TENM4: variants seen among roughly 807,000 people sequenced by gnomAD.
TENM4 encodes teneurin-4.
A neutral mutation model predicts 243.3 loss-of-function variants in TENM4; 82 were observed. That is an observed-to-expected ratio of 0.34 (90% CI 0.28 to 0.40). TENM4 has a LOEUF of 0.40. TENM4 is among the 10% of genes least tolerant of loss of function. The probability of loss-of-function intolerance (pLI) is 1.00; values close to 1 mark genes in which losing one functional copy is unlikely to be tolerated. For synonymous variants in TENM4, 1,412 were observed against 1,456.3 expected (o/e 0.97, Z 0.69); for missense variants, 3,138 against 3,673.3 (o/e 0.85, Z 3.77).
intron 9 of TENM4, among the ~76,000 whole-genome samples, chr11:78,866,942 T>A (rs1199970883): frequency 6.6e-6 from 1 of 152,148 alleles, no homozygotes; most frequent in African/African-American, 2.4e-5. Context: ...AGTAATGTCA[T>A]CTTTTTAAAA....
At chr11:79,404,916 T>A (rs1858535971) in intron 1 of TENM4, among the ~76,000 whole-genome samples, 2 of 152,148 alleles carry the variant, frequency 1.3e-5, no homozygotes, top group Admixed American at 1.3e-4. Context: ...GAGGACCAGA[T>A]GAAGCTTGTC....
At chr11:79,014,494 A>G (rs1454765867) in intron 6 of TENM4, 1 of 152,196 alleles carries the variant, frequency 6.6e-6, no homozygotes, top group Non-Finnish European at 1.5e-5. Context: ...CATTCTAATC[A>G]ATTAAAATGG....
chr11:79,350,427 G>A (rs1018613138), intron 1 of TENM4, among the ~76,000 whole-genome samples: 1 of 138,786 alleles, frequency 7.2e-6, no homozygotes, highest in Non-Finnish European at 1.6e-5. Flanking sequence ...TCCTTTCTTG[G>A]CTTTTTTTTT....
At chr11:78,873,324 C>T (rs1344888600) in intron 9 of TENM4, among the ~76,000 whole-genome samples, 1 of 152,198 alleles carries the variant, frequency 6.6e-6, no homozygotes, top group Admixed American at 6.5e-5. Flanking sequence ...ATAATGTTAA[C>T]AGCCATAGTC....
At chr11:78,835,881 C>T (rs547219457) in intron 12 of TENM4, among the ~76,000 whole-genome samples, 33 of 152,308 alleles carry the variant, frequency 2.2e-4, no homozygotes, top group Admixed American at 1.6e-3. Context: ...GGGCAGAGTC[C>T]CTGTCTGCTT....
At chr11:78,929,940 AG>A (rs1021684602) in intron 6 of TENM4, among the ~76,000 whole-genome samples, 1 of 152,192 alleles carries the variant, frequency 6.6e-6, no homozygotes, top group Non-Finnish European at 1.5e-5. Context: ...TGTGGAGTGG[AG>A]GACAGAGGAC....
At chr11:78,719,105 AAAGTACTG>A (rs1859588638) in intron 25 of TENM4, among the ~76,000 whole-genome samples, 1 of 152,158 alleles carries the variant, frequency 6.6e-6, no homozygotes, top group South Asian at 2.1e-4. Flanking sequence ...CCTGTGCCTA[AAAGTACTG>A]AATAGTTTAC....
intron 6 of TENM4, among the ~76,000 whole-genome samples, chr11:79,004,004 A>AAC (rs1316318681): frequency 6.6e-6 from 1 of 152,036 alleles, no homozygotes; most frequent in Non-Finnish European, 1.5e-5. Flanking sequence ...GAAAAAAAAA[A>AAC]AAACAGACTT....
chr11:79,094,730 T>C (rs765294587), intron 4 of TENM4, among the ~76,000 whole-genome samples: 1 of 152,100 alleles, frequency 6.6e-6, no homozygotes, highest in Non-Finnish European at 1.5e-5. Context: ...ATTAGAGGCC[T>C]CCGTAAATCA....
At chr11:78,977,781 T>C (rs7130813) in intron 6 of TENM4, among the ~76,000 whole-genome samples, 10,167 of 152,302 alleles carry the variant, frequency 0.067, 486 homozygotes, top group African/African-American at 0.12. Context: ...TCAACGATTG[T>C]GGAAGACAGA....
intron 1 of TENM4, among the ~76,000 whole-genome samples, chr11:79,311,376 G>A (rs518419): frequency 0.85 from 128,775 of 152,190 alleles, 55,162 homozygotes; most frequent in African/African-American, 0.96. Flanking sequence ...TGCCCATTAA[G>A]TGCTGGTCTC....
intron 27 of TENM4, among the ~76,000 whole-genome samples, chr11:78,705,383 A>G (rs1473828238): frequency 2.6e-5 from 4 of 152,142 alleles, no homozygotes; most frequent in Non-Finnish European, 4.4e-5. Flanking sequence ...GGGAAAGGAG[A>G]AGGGGCATTG....
intron 2 of TENM4, among the ~76,000 whole-genome samples, chr11:79,239,081 T>C (rs1231311354): frequency 1.3e-5 from 2 of 152,184 alleles, no homozygotes; most frequent in African/African-American, 2.4e-5. Context: ...TTGAGCTCTG[T>C]CTGCAGAGAC....
chr11:79,167,223 A>G (rs1021855373), intron 3 of TENM4, among the ~76,000 whole-genome samples: 2 of 152,206 alleles, frequency 1.3e-5, no homozygotes, highest in Non-Finnish European at 2.9e-5. Context: ...CACACCTCCA[A>G]GCATCATATC....
chr11:78,881,916 T>C (rs894007848), intron 9 of TENM4, among the ~76,000 whole-genome samples: 8 of 152,210 alleles, frequency 5.3e-5, no homozygotes, highest in Non-Finnish European at 1.0e-4. Context: ...AACCTATATA[T>C]ATCTTGCTAT....
chr11:78,996,101 A>G (rs548520624), intron 6 of TENM4, among the ~76,000 whole-genome samples: 1 of 152,308 alleles, frequency 6.6e-6, no homozygotes, highest in South Asian at 2.1e-4. Context: ...ATGGCAGTGG[A>G]TTTTAAAGAT....
At chr11:79,165,946 T>C (rs755915016) in intron 3 of TENM4, among the ~76,000 whole-genome samples, 1 of 152,240 alleles carries the variant, frequency 6.6e-6, no homozygotes, top group Non-Finnish European at 1.5e-5. Context: ...ATCACTTGAC[T>C]GTAAGTATTT....
In TENM4 at chr11:78,805,282, C is replaced by CCCCCCCCCACCCCCCCCCCCCCTTTTT; in HGVS notation, c.2179+9_2179+10insAAAAAGGGGGGGGGGGGGTGGGGGGGG. 1 of 995,568 alleles carries CCCCCCCCCACCCCCCCCCCCCCTTTTT rather than the reference C, an allele frequency of 1.0e-6. No individual in the cohort carries two copies. The highest frequency in any genetic ancestry group is 4.9e-5 in the Admixed American group (1 of 20,342). The allele number at this position is 995,568 out of a possible 1,614,324, so 61.7% of individuals were successfully genotyped here. A position where few individuals can be genotyped will look rare whatever the true frequency, so the allele number is the denominator to read the frequency against. On this transcript the variant is annotated intron_variant, in intron 15 of 33. Coordinates refer to ENST00000278550, the MANE Select transcript of TENM4 (RefSeq NM_001098816.3). ...CCCTCTACCCATGCTTCTTCTCCCC[C>CCCCCCCCCACCCCCCCCCCCCCTTTTT]TGCATTTACCGATAGAACAGTCGTG... is the stretch of plus-strand genomic sequence containing the variant.
At chr11:79,182,700 C>CA (rs1283268343) in intron 3 of TENM4, among the ~76,000 whole-genome samples, 10 of 151,858 alleles carry the variant, frequency 6.6e-5, no homozygotes, top group African/African-American at 2.2e-4. Flanking sequence ...CCAAAATATC[C>CA]AAAAAACTCT....
Sources: allele counts gnomAD v4.1 joint callset (sites outside exome capture counted in the v4.1 genomes callset), GRCh38; gene constraint gnomAD v4.1.1; transcripts MANE v1.5; gene names NCBI Gene and HGNC (gene_info 2026-07-23, HGNC 2026-07-21).